The following CDH13 variants were observed in gnomAD, a reference collection of about 807,000 sequenced individuals.
CDH13 encodes cadherin 13, also known as cadherin-13.
Under a neutral mutation model 63.8 loss-of-function variants are expected in CDH13, and 24 were observed. The ratio of observed to expected loss-of-function variants is 0.38; its 90% CI spans 0.27 to 0.53. The LOEUF is 0.53. Among genes scored for constraint, CDH13 ranks in the 20% least tolerant of loss-of-function variants. CDH13 has a pLI of 0.85. For missense variants in CDH13, 1,049 were observed against 903.1 expected, an observed-to-expected ratio of 1.16 and a Z score of -2.07; for synonymous variants, 503 against 355.3, an observed-to-expected ratio of 1.42 and a Z score of -4.67.
chr16:82,633,410 T>C (rs999598881), intron 1 of CDH13, among the ~76,000 whole-genome samples: 3 of 152,244 alleles, frequency 2.0e-5, no homozygotes, highest in Non-Finnish European at 4.4e-5. Flanking sequence ...GACGGAGTCT[T>C]GCTTTGTCAC....
At chr16:83,623,602 T>C (rs994420528) in intron 8 of CDH13, among the ~76,000 whole-genome samples, 9 of 152,276 alleles carry the variant, frequency 5.9e-5, no homozygotes, top group African/African-American at 2.2e-4. Context: ...ACAGGTGTCT[T>C]TGCTAATCGC....
intron 7 of CDH13, among the ~76,000 whole-genome samples, chr16:83,560,398 A>G (rs1348230631): frequency 6.6e-6 from 1 of 152,230 alleles, no homozygotes; most frequent in Non-Finnish European, 1.5e-5. Flanking sequence ...GGAGGATGTT[A>G]TGCTAAGTGA....
intron 2 of CDH13, among the ~76,000 whole-genome samples, chr16:82,897,413 C>T (rs2041307122): frequency 6.6e-6 from 1 of 152,122 alleles, no homozygotes. Flanking sequence ...AGAATTACTC[C>T]TTCATGTTAT....
intron 1 of CDH13, among the ~76,000 whole-genome samples, chr16:82,748,125 T>C (rs557098804): frequency 2.6e-5 from 4 of 152,290 alleles, no homozygotes; most frequent in Non-Finnish European, 2.9e-5. Flanking sequence ...AGCTGCACTA[T>C]AATAAATGAC....
chr16:83,488,382 A>G (rs1368280475), intron 7 of CDH13, among the ~76,000 whole-genome samples: 1 of 152,224 alleles, frequency 6.6e-6, no homozygotes, highest in Non-Finnish European at 1.5e-5. Flanking sequence ...ATAGAGGGAA[A>G]AAAAGGAAAA....
intron 4 of CDH13, among the ~76,000 whole-genome samples, chr16:83,199,480 G>C (rs1273673907): frequency 6.6e-6 from 1 of 152,122 alleles, no homozygotes; most frequent in Non-Finnish European, 1.5e-5. Flanking sequence ...TCACCTCTCT[G>C]GGTCTCCTTA....
chr16:82,643,091 G>A (rs1909619182), intron 1 of CDH13, among the ~76,000 whole-genome samples: 1 of 152,192 alleles, frequency 6.6e-6, no homozygotes, highest in Non-Finnish European at 1.5e-5. Flanking sequence ...GTATAGAATT[G>A]CTTTGGGGAA....
chr16:83,469,417 C>G (rs1307841322), intron 6 of CDH13, among the ~76,000 whole-genome samples: 6 of 152,124 alleles, frequency 3.9e-5, no homozygotes, highest in Non-Finnish European at 1.5e-5. Context: ...GGTCGGGGGT[C>G]GAGCAGGCCT....
intron 5 of CDH13, among the ~76,000 whole-genome samples, chr16:83,244,010 C>G (rs1904735529): frequency 6.6e-6 from 1 of 152,118 alleles, no homozygotes. Flanking sequence ...AAATTCATCT[C>G]TCTAGAAACG....
chr16:82,631,335 GC>G (rs1255608467), intron 1 of CDH13, among the ~76,000 whole-genome samples: 97 of 152,268 alleles, frequency 6.4e-4, no homozygotes, highest in African/African-American at 2.3e-3. Flanking sequence ...GAACAGTTCT[GC>G]CTGTGGAAGG....
At chr16:83,409,038 T>C (rs543258826) in intron 6 of CDH13, among the ~76,000 whole-genome samples, 2 of 152,058 alleles carry the variant, frequency 1.3e-5, no homozygotes, top group East Asian at 1.9e-4. Flanking sequence ...TTTCCACAGA[T>C]GCTGATGCTG....
chr16:83,082,676 G>T (rs550561988), intron 3 of CDH13, among the ~76,000 whole-genome samples: 2 of 152,116 alleles, frequency 1.3e-5, no homozygotes, highest in South Asian at 4.2e-4. Context: ...ACACCAGAAA[G>T]ATCTCACTAA....
At chr16:83,209,244 T>A (rs976410749) in intron 4 of CDH13, among the ~76,000 whole-genome samples, 1 of 152,190 alleles carries the variant, frequency 6.6e-6, no homozygotes, top group African/African-American at 2.4e-5. Flanking sequence ...CTGGCAACTT[T>A]CATTCCACCT....
chr16:82,927,426 C>A (rs1009006504), intron 2 of CDH13, among the ~76,000 whole-genome samples: 3 of 152,142 alleles, frequency 2.0e-5, no homozygotes, highest in Non-Finnish European at 2.9e-5. Flanking sequence ...CCATGTTTTA[C>A]CATCTTCATA....
At chr16:82,734,556 T>C (rs927995499) in intron 1 of CDH13, among the ~76,000 whole-genome samples, 1 of 152,200 alleles carries the variant, frequency 6.6e-6, no homozygotes, top group African/African-American at 2.4e-5. Flanking sequence ...ACTCTCGCTC[T>C]TTGTGATACA....
intron 2 of CDH13, among the ~76,000 whole-genome samples, chr16:82,996,829 T>C (rs1428306512): frequency 6.6e-6 from 1 of 151,590 alleles, no homozygotes; most frequent in Non-Finnish European, 1.5e-5. Flanking sequence ...ATGATAGTGA[T>C]GGTGATGGTG....
intron 4 of CDH13, among the ~76,000 whole-genome samples, chr16:83,134,198 G>GT (rs1307214081): frequency 1.3e-5 from 2 of 151,934 alleles, no homozygotes; most frequent in Admixed American, 6.6e-5. Context: ...TAGTAGATTT[G>GT]TTTTTTTTCT....
intron 1 of CDH13, among the ~76,000 whole-genome samples, chr16:82,731,921 C>T (rs1407594934): frequency 6.6e-6 from 1 of 152,180 alleles, no homozygotes; most frequent in African/African-American, 2.4e-5. Context: ...GGCATGTTCT[C>T]TTTAGCTTCC....
intron 1 of CDH13, among the ~76,000 whole-genome samples, chr16:82,699,030 T>G (rs1344926185): frequency 6.6e-6 from 1 of 152,236 alleles, no homozygotes; most frequent in Non-Finnish European, 1.5e-5. Flanking sequence ...AGCCGTAGTT[T>G]GTTCATCCCT....
Sources: gnomAD v4.1 joint callset for allele counts (sites outside exome capture counted in the v4.1 genomes callset) on GRCh38, gnomAD v4.1.1 for gene constraint, MANE v1.5 for transcripts, NCBI Gene and HGNC (gene_info 2026-07-23, HGNC 2026-07-21) for gene names.